Variants in ADAMTSL1 observed in about 807,000 individuals in gnomAD.
The protein encoded by ADAMTSL1 is ADAMTS-like protein 1.
A neutral mutation model predicts 201.8 loss-of-function variants in ADAMTSL1; 126 were observed. The ratio of observed to expected loss-of-function variants is 0.62; its 90% CI spans 0.54 to 0.72. The LOEUF is 0.72. Ranked by LOEUF, ADAMTSL1 falls within the 30% of genes least tolerant of loss-of-function variation. The pLI, the probability that ADAMTSL1 is intolerant of heterozygous loss-of-function variation, is 0.00. For synonymous variants in ADAMTSL1, 1,121 were observed against 903.4 expected (o/e 1.24, Z -4.32); for missense variants, 2,679 against 2,277.8 (o/e 1.18, Z -3.59).
At chr9:17,985,900 G>C (rs563834424) in intron 1 of ADAMTSL1, among the ~76,000 whole-genome samples, 2 of 152,082 alleles carry the variant, frequency 1.3e-5, no homozygotes, top group Admixed American at 6.6e-5. Flanking sequence ...TCTGAAATGC[G>C]TTGGCTATGA....
chr9:18,353,333 A>G (rs536980601), intron 2 of ADAMTSL1, among the ~76,000 whole-genome samples: 1 of 152,336 alleles, frequency 6.6e-6, no homozygotes, highest in South Asian at 2.1e-4. Flanking sequence ...CTAAAGTAAA[A>G]TCAACCTTAA....
intron 7 of ADAMTSL1, among the ~76,000 whole-genome samples, chr9:18,646,586 C>G (rs9695326): frequency 0.94 from 132,126 of 140,332 alleles, 62,316 homozygotes; most frequent in East Asian, 0.99. Flanking sequence ...TTTATTGAGA[C>G]TTTTTAGCAT....
chr9:18,241,072 T>C (rs888794215), intron 2 of ADAMTSL1, among the ~76,000 whole-genome samples: 58 of 152,306 alleles, frequency 3.8e-4, no homozygotes, highest in African/African-American at 1.4e-3. Flanking sequence ...TGTTTCTTAT[T>C]CCTGTGTTCA....
intron 2 of ADAMTSL1, among the ~76,000 whole-genome samples, chr9:18,263,779 C>G (rs145274756): frequency 6.6e-6 from 1 of 152,150 alleles, no homozygotes; most frequent in African/African-American, 2.4e-5. Flanking sequence ...GCTGGTTGCT[C>G]TATGGACATG....
At chr9:18,513,617 T>C (rs576385747) in intron 2 of ADAMTSL1, among the ~76,000 whole-genome samples, 17 of 152,232 alleles carry the variant, frequency 1.1e-4, no homozygotes, top group Non-Finnish European at 2.1e-4. Flanking sequence ...TGGAGTTTTA[T>C]AGTTTCAAGT....
chr9:18,006,085 C>T (rs542846695), intron 1 of ADAMTSL1, among the ~76,000 whole-genome samples: 2 of 150,190 alleles, frequency 1.3e-5, no homozygotes, highest in African/African-American at 2.4e-5. Flanking sequence ...AACCACCACT[C>T]GGGAAAAAAA....
rs371506362 is a variant in ADAMTSL1, at chr9:18,772,539, C to T, written c.2397+1758C>T. On this transcript the variant is annotated intron_variant, in intron 17 of 28. Transcript: ENST00000380548. ...CTAGGTTCAAATCCTGACTCTGCCA[C>T]TTACTGGCTGTATAACCTTGGGCTA... Among the ~76,000 whole-genome samples, 34 of 152,318 alleles carry T rather than the reference C, an allele frequency of 2.2e-4. 1 individual carries two copies. In the South Asian group the frequency reaches 6.6e-3, roughly 30 times the overall value.
At chr9:18,247,512 A>G (rs897775965) in intron 2 of ADAMTSL1, among the ~76,000 whole-genome samples, 1 of 152,226 alleles carries the variant, frequency 6.6e-6, no homozygotes, top group Non-Finnish European at 1.5e-5. Context: ...ATACATATCA[A>G]ATACTAAGTT....
intron 2 of ADAMTSL1, among the ~76,000 whole-genome samples, chr9:18,460,504 C>T (rs140622035): frequency 7.7e-4 from 117 of 152,048 alleles, no homozygotes; most frequent in Non-Finnish European, 1.4e-3. Context: ...GTGAAGCAGA[C>T]GGTTGTGAAA....
At chr9:18,832,284 A>G (rs923098426) in intron 23 of ADAMTSL1, among the ~76,000 whole-genome samples, 4 of 152,208 alleles carry the variant, frequency 2.6e-5, no homozygotes, top group South Asian at 2.1e-4. Flanking sequence ...CCTGACTCCT[A>G]TAGGTGGCCC....
chr9:18,884,399 T>A (rs1349755182), intron 23 of ADAMTSL1, among the ~76,000 whole-genome samples: 1 of 152,232 alleles, frequency 6.6e-6, no homozygotes, highest in Non-Finnish European at 1.5e-5. Context: ...TGTCTTATGA[T>A]GTGTCAAAGA....
At chr9:18,815,835 C>A (rs1357091368) in intron 20 of ADAMTSL1, among the ~76,000 whole-genome samples, 1 of 150,158 alleles carries the variant, frequency 6.7e-6, no homozygotes, top group East Asian at 1.9e-4. Flanking sequence ...ACAAACTTTT[C>A]TTTTTATGGA....
chr9:18,619,813 G>T (rs947608106), intron 4 of ADAMTSL1, among the ~76,000 whole-genome samples: 5 of 152,070 alleles, frequency 3.3e-5, no homozygotes, highest in African/African-American at 9.7e-5. Context: ...AGATTTGGAC[G>T]CCTGAGAGTG....
intron 15 of ADAMTSL1, among the ~76,000 whole-genome samples, chr9:18,726,738 A>C (rs1817918107): frequency 6.6e-6 from 1 of 152,234 alleles, no homozygotes; most frequent in African/African-American, 2.4e-5. Context: ...AAAATGAAGG[A>C]AATTCCAAGC....
intron 13 of ADAMTSL1, among the ~76,000 whole-genome samples, chr9:18,688,058 A>T (rs1239452289): frequency 2.0e-5 from 3 of 151,800 alleles, no homozygotes; most frequent in Admixed American, 6.6e-5. Context: ...TTGTTATGAC[A>T]CATCTGATTC....
chr9:18,418,868 A>T (rs1818811925), intron 2 of ADAMTSL1, among the ~76,000 whole-genome samples: 2 of 152,260 alleles, frequency 1.3e-5, no homozygotes, highest in African/African-American at 4.8e-5. Flanking sequence ...AAGGCAAAGG[A>T]ATAAGAATAG....
At chr9:18,054,281 C>T (rs1043304402) in intron 1 of ADAMTSL1, among the ~76,000 whole-genome samples, 6 of 152,116 alleles carry the variant, frequency 3.9e-5, no homozygotes, top group South Asian at 2.1e-4. Flanking sequence ...TCTGAGAAAA[C>T]GTCTATTCAA....
At chr9:18,679,648 T>C (rs1241740938) in intron 10 of ADAMTSL1, among the ~76,000 whole-genome samples, 1 of 152,210 alleles carries the variant, frequency 6.6e-6, no homozygotes, top group East Asian at 1.9e-4. Flanking sequence ...GAACTCTAAC[T>C]ACCAGTATCC....
At chr9:17,960,117 G>T (rs911941257) in intron 1 of ADAMTSL1, among the ~76,000 whole-genome samples, 1 of 152,120 alleles carries the variant, frequency 6.6e-6, no homozygotes, top group Non-Finnish European at 1.5e-5. Flanking sequence ...TGTTTCCATT[G>T]TACTATTTTC....
Sources: gnomAD v4.1 joint callset for allele counts (sites outside exome capture counted in the v4.1 genomes callset) on GRCh38, gnomAD v4.1.1 for gene constraint, MANE v1.5 for transcripts, NCBI Gene and HGNC (gene_info 2026-07-23, HGNC 2026-07-21) for gene names.